HIPK3: variants seen among roughly 807,000 people sequenced by gnomAD.
The protein encoded by HIPK3 is homeodomain interacting protein kinase 3.
A neutral mutation model predicts 124.2 loss-of-function variants in HIPK3; 47 were observed. The observed-to-expected ratio is 0.38, with a 90% CI of 0.30 to 0.48. The LOEUF is 0.48. Ranked by LOEUF, HIPK3 falls within the 20% of genes least tolerant of loss-of-function variation. The pLI, the probability that HIPK3 is intolerant of heterozygous loss-of-function variation, is 0.98. For missense variants in HIPK3, 1,286 were observed against 1,454.3 expected (o/e 0.88, Z 1.88); for synonymous variants, 482 against 515.2 (o/e 0.94, Z 0.87).
chr11:33,260,990 T>TTC (rs1554960620), intron 1 of HIPK3, among the ~76,000 whole-genome samples: 2 of 150,316 alleles, frequency 1.3e-5, no homozygotes, highest in Non-Finnish European at 1.5e-5. Flanking sequence ...AAGGTATTAT[T>TTC]CCCCCCCAAC....
chr11:33,337,263 C>G, intron 4 of HIPK3, 69 bp downstream of exon 4: 1 of 777,896 alleles, frequency 1.3e-6, no homozygotes, highest in South Asian at 3.0e-5. Context: ...ATGGATAATA[C>G]CTTCCATGTC....
At chr11:33,288,327 T>C (rs1851610609) in intron 2 of HIPK3, among the ~76,000 whole-genome samples, 1 of 151,830 alleles carries the variant, frequency 6.6e-6, no homozygotes, top group Admixed American at 6.6e-5. Context: ...TGGTGGTGGG[T>C]GTCTATAATC....
At chr11:33,270,946 G>T (rs997109038) in intron 1 of HIPK3, among the ~76,000 whole-genome samples, 2 of 152,112 alleles carry the variant, frequency 1.3e-5, no homozygotes, top group Admixed American at 6.5e-5. Context: ...TAATTTTATA[G>T]TAATTGAATA....
intron 2 of HIPK3, among the ~76,000 whole-genome samples, chr11:33,303,260 T>G (rs9666540): frequency 0.66 from 99,686 of 151,994 alleles, 32,912 homozygotes; most frequent in Non-Finnish European, 0.7. Context: ...TTATAATGCC[T>G]AATACAATGT....
chr11:33,296,475 G>A (rs1456895823), intron 2 of HIPK3, among the ~76,000 whole-genome samples: 8 of 152,258 alleles, frequency 5.3e-5, no homozygotes, highest in African/African-American at 1.7e-4. Context: ...TTGTTTTCTT[G>A]TTTTGCTTTA....
chr11:33,341,749 A>C (rs1853342240), intron 8 of HIPK3, 63 bp downstream of exon 8: 1 of 1,422,764 alleles, frequency 7.0e-7, no homozygotes, highest in South Asian at 1.3e-5. Flanking sequence ...TAAGTTTAGG[A>C]ATCTGTTCAT....
intron 3 of HIPK3, among the ~76,000 whole-genome samples, chr11:33,329,271 C>T (rs1475910449): frequency 6.6e-6 from 1 of 152,016 alleles, no homozygotes; most frequent in East Asian, 1.9e-4. Context: ...GGAGAAACTG[C>T]CATCTTATTT....
intron 2 of HIPK3, among the ~76,000 whole-genome samples, chr11:33,302,063 A>G (rs1274216541): frequency 1.3e-5 from 2 of 152,150 alleles, no homozygotes; most frequent in Non-Finnish European, 2.9e-5. Flanking sequence ...ACTAAATTCT[A>G]TTCATTTGGA....
In HIPK3 at chr11:33,353,436, G is replaced by T; in HGVS notation, c.3516G>T (p.Leu1172=). 6.2e-7 allele frequency: 1 copy of T among 1,613,954 alleles called. No homozygotes were observed. The highest frequency in any genetic ancestry group is 8.5e-7 in the Non-Finnish European group (1 of 1,179,914). The part of the protein sequence containing the change: ...HQVPVGLNPR[L]LPSPTIHQTQ... Reference sequence around the variant, plus strand: ...TCCCAGTGGGCTTAAATCCCCGTCTGTTACCATCCCCAACCATTCATCAGA... The same window carrying T: ...TCCCAGTGGGCTTAAATCCCCGTCTTTTACCATCCCCAACCATTCATCAGA... Residue 1172 remains leucine (L), a synonymous_variant, in exon 17 of 17, where the codon CTG becomes CTT. Transcript: ENST00000303296.
intron 5 of HIPK3, among the ~76,000 whole-genome samples, chr11:33,339,134 A>G (rs997952373): frequency 1.3e-5 from 2 of 152,222 alleles, no homozygotes; most frequent in Non-Finnish European, 2.9e-5. Flanking sequence ...ATATTTGTTT[A>G]ATTTTTAAAA....
intron 2 of HIPK3, among the ~76,000 whole-genome samples, chr11:33,301,039 T>A (rs1851984383): frequency 6.6e-6 from 1 of 152,218 alleles, no homozygotes. Flanking sequence ...TCTATCTGTT[T>A]GTATATTAAA....
At chr11:33,303,127 G>T (rs528434706) in intron 2 of HIPK3, among the ~76,000 whole-genome samples, 33 of 152,070 alleles carry the variant, frequency 2.2e-4, no homozygotes, top group Non-Finnish European at 4.1e-4. Context: ...CTGAGGGATT[G>T]GTTCCAGGAC....
In HIPK3 at chr11:33,353,421, C is replaced by T. The variant is rs1474219375; in HGVS notation, c.3501C>T (p.Gly1167=). The T allele has an allele frequency of 3.1e-6, 5 of 1,613,910 alleles. No individual in the cohort carries two copies. The highest frequency in any genetic ancestry group is 1.3e-5 in the African/African-American group (1 of 74,908). The change falls in exon 17 of 17, where the codon GGC becomes GGT. Residue 1167 remains glycine, a synonymous_variant. Coordinates refer to ENST00000303296, the MANE Select transcript of HIPK3 (RefSeq NM_005734.5). ...GCATAGTTCACCAAGTCCCAGTGGG[C>T]TTAAATCCCCGTCTGTTACCATCCC... ...PSGIVHQVPV[G]LNPRLLPSPT...
chr11:33,299,722 C>CTA (rs1222331890), intron 2 of HIPK3, among the ~76,000 whole-genome samples: 2 of 151,972 alleles, frequency 1.3e-5, no homozygotes, highest in African/African-American at 4.8e-5. Context: ...GCAAACTTTA[C>CTA]TATAGTCTTT....
rs1853740284 is a variant in HIPK3, at chr11:33,353,666, A to G, written c.*98A>G. On this transcript the variant is annotated 3_prime_UTR_variant, in exon 17 of 17. Coordinates refer to ENST00000303296, the MANE Select transcript of HIPK3 (RefSeq NM_005734.5). ...CCATGGCACAAGAAAATTATTTTTG[A>G]ATCATGTAGACTTGGGTGCAATTTA... 2.4e-6 allele frequency: 2 copies of G among 850,474 alleles called. No homozygotes were observed. Among genetic ancestry groups the G allele is most frequent in the Admixed American group, 4.8e-5 (2 of 41,798 alleles). The allele number at this position is 850,474 out of a possible 1,614,324, so 52.7% of individuals were successfully genotyped here. A position where few individuals can be genotyped will look rare whatever the true frequency, so the allele number is the denominator to read the frequency against.
chr11:33,331,229 A>T (rs1590178336), intron 3 of HIPK3, among the ~76,000 whole-genome samples: 1 of 152,058 alleles, frequency 6.6e-6, no homozygotes, highest in Non-Finnish European at 1.5e-5. Flanking sequence ...AATGTGTTTG[A>T]CTTTCATAGA....
chr11:33,259,601 T>G (rs1850770430), intron 1 of HIPK3, among the ~76,000 whole-genome samples: 1 of 152,246 alleles, frequency 6.6e-6, no homozygotes, highest in African/African-American at 2.4e-5. Flanking sequence ...TATTTATGGC[T>G]GCATTCATAA....
chr11:33,347,206 TA>T, intron 8 of HIPK3, 86 bp from the exon 9 acceptor site: 2 of 1,294,378 alleles, frequency 1.5e-6, no homozygotes, highest in Non-Finnish European at 2.1e-6. Flanking sequence ...TGTCAGAATC[TA>T]AGCAATTCTT....
chr11:33,340,162 C>A (rs1853287385), intron 6 of HIPK3, among the ~76,000 whole-genome samples: 1 of 152,222 alleles, frequency 6.6e-6, no homozygotes, highest in Non-Finnish European at 1.5e-5. Flanking sequence ...CTCACTACAA[C>A]CTCCGCCTCA....
Sources: allele counts gnomAD v4.1 joint callset (sites outside exome capture counted in the v4.1 genomes callset), GRCh38; gene constraint gnomAD v4.1.1; transcripts MANE v1.5; gene names NCBI Gene and HGNC (gene_info 2026-07-23, HGNC 2026-07-21).